NBEA: variants seen among roughly 807,000 people sequenced by gnomAD.
The protein encoded by NBEA is neurobeachin.
Under a neutral mutation model 343.4 loss-of-function variants are expected in NBEA, and 44 were observed. The observed-to-expected ratio is 0.13, with a 90% CI of 0.10 to 0.16. The LOEUF is 0.16. Among genes scored for constraint, NBEA ranks in the 10% least tolerant of loss-of-function variants. The probability of loss-of-function intolerance (pLI) is 1.00; values close to 1 mark genes in which losing one functional copy is unlikely to be tolerated. For synonymous variants in NBEA, 1,175 were observed against 1,238.7 expected, an observed-to-expected ratio of 0.95 and a Z score of 1.08; for missense variants, 2,555 against 3,631.3, an observed-to-expected ratio of 0.70 and a Z score of 7.62.
At chr13:35,300,777 G>T (rs140562394) in intron 35 of NBEA, among the ~76,000 whole-genome samples, 2 of 152,074 alleles carry the variant, frequency 1.3e-5, no homozygotes. Flanking sequence ...AAAATTCATC[G>T]GTAGCTTAGG....
At chr13:35,177,951 T>C (rs2071033071) in intron 28 of NBEA, among the ~76,000 whole-genome samples, 2 of 151,720 alleles carry the variant, frequency 1.3e-5, no homozygotes, top group African/African-American at 4.8e-5. Context: ...GTTAGGAATG[T>C]ACAATAGAAA....
At chr13:35,581,225 T>C (rs1240035444) in intron 45 of NBEA, among the ~76,000 whole-genome samples, 1 of 152,112 alleles carries the variant, frequency 6.6e-6, no homozygotes, top group Non-Finnish European at 1.5e-5. Flanking sequence ...TGAACTAGTT[T>C]ACAGTCCCAC....
intron 34 of NBEA, among the ~76,000 whole-genome samples, chr13:35,258,407 G>T (rs898449557): frequency 9.9e-5 from 15 of 151,646 alleles, no homozygotes; most frequent in African/African-American, 3.6e-4. Context: ...CTCATGATCC[G>T]CCTGCCTCAG....
At chr13:34,976,661 T>TG (rs918845886) in intron 1 of NBEA, among the ~76,000 whole-genome samples, 7 of 150,556 alleles carry the variant, frequency 4.6e-5, no homozygotes, top group African/African-American at 1.2e-4. Flanking sequence ...TTTGTTTTTT[T>TG]TTTTTTTTCA....
chr13:35,525,476 C>A (rs2077925059), intron 41 of NBEA, among the ~76,000 whole-genome samples: 1 of 152,010 alleles, frequency 6.6e-6, no homozygotes, highest in Admixed American at 6.6e-5. Flanking sequence ...TCACTTGAAC[C>A]CAGAAGGCAG....
chr13:34,973,964 C>T (rs1396931933), intron 1 of NBEA, among the ~76,000 whole-genome samples: 1 of 152,182 alleles, frequency 6.6e-6, no homozygotes, highest in Non-Finnish European at 1.5e-5. Flanking sequence ...GCTGAGACTC[C>T]ACACAGCTCT....
At chr13:35,594,304 T>A (rs539963722) in intron 47 of NBEA, among the ~76,000 whole-genome samples, 2 of 152,172 alleles carry the variant, frequency 1.3e-5, no homozygotes, top group Admixed American at 1.3e-4. Flanking sequence ...AGTTAGTGAG[T>A]TAAAATCAAA....
At chr13:34,994,283 A>G (rs2060866654) in intron 1 of NBEA, among the ~76,000 whole-genome samples, 1 of 151,760 alleles carries the variant, frequency 6.6e-6, no homozygotes, top group Non-Finnish European at 1.5e-5. Flanking sequence ...AAATAATTCA[A>G]TTCAAAGGGA....
chr13:34,954,459 G>T (rs959239627), intron 1 of NBEA, among the ~76,000 whole-genome samples: 3 of 152,174 alleles, frequency 2.0e-5, no homozygotes, highest in Non-Finnish European at 4.4e-5. Context: ...TAGTTTGCTT[G>T]TTTCAGTCAT....
intron 36 of NBEA, among the ~76,000 whole-genome samples, chr13:35,340,651 T>C (rs1026725033): frequency 5.3e-5 from 8 of 151,976 alleles, no homozygotes; most frequent in African/African-American, 1.4e-4. Context: ...AAACTTTTTT[T>C]AAAAAAGGAA....
chr13:35,488,644 C>G (rs1343111922), intron 41 of NBEA, among the ~76,000 whole-genome samples: 1 of 151,824 alleles, frequency 6.6e-6, no homozygotes. Context: ...TTGACAATAA[C>G]AAGAGTTTCT....
intron 28 of NBEA, among the ~76,000 whole-genome samples, chr13:35,178,874 G>GA (rs1457562747): frequency 1.3e-5 from 2 of 151,290 alleles, no homozygotes; most frequent in Admixed American, 6.6e-5. Context: ...TAGTCATCCT[G>GA]AAAAAATGTG....
At position 35,157,062 on chromosome 13, in the gene NBEA, A is replaced by T. The variant is rs751701294; in HGVS notation, c.2652-16A>T. 23 of 1,510,614 alleles carry T rather than the reference A, an allele frequency of 1.5e-5. No individual in the cohort carries two copies. Among genetic ancestry groups the T allele is most frequent in the Non-Finnish European group, 1.9e-5 (21 of 1,130,126 alleles). 93.6% of individuals were successfully genotyped at this position (1,510,614 alleles called of 1,614,324 possible). ...ATTTGGATATTTTTAATGAGATCAA[A>T]TTTTTTTCTCCCTAGATGCTTATTG... On this transcript the variant is annotated splice_polypyrimidine_tract_variant and intron_variant, in intron 20 of 58. Coordinates refer to ENST00000379939, the MANE Select transcript of NBEA (RefSeq NM_001385012.1).
chr13:35,333,866 G>T (rs1476606607), intron 36 of NBEA, among the ~76,000 whole-genome samples: 1 of 152,080 alleles, frequency 6.6e-6, no homozygotes, highest in Admixed American at 6.6e-5. Context: ...TGTTGCAAAT[G>T]ACAGGGTCTC....
intron 41 of NBEA, among the ~76,000 whole-genome samples, chr13:35,541,274 T>G (rs557455705): frequency 6.6e-6 from 1 of 151,490 alleles, no homozygotes; most frequent in South Asian, 2.1e-4. Context: ...TTTTCCCCAC[T>G]CCCCTGCCTT....
chr13:35,580,188 A>G (rs1474778790), intron 45 of NBEA, among the ~76,000 whole-genome samples: 2 of 152,122 alleles, frequency 1.3e-5, no homozygotes, highest in Non-Finnish European at 1.5e-5. Context: ...CACCTGTAAC[A>G]TAAAAGCTAA....
intron 36 of NBEA, among the ~76,000 whole-genome samples, chr13:35,310,278 A>G (rs74048991): frequency 4.0e-5 from 6 of 151,742 alleles, no homozygotes; most frequent in African/African-American, 1.5e-4. Flanking sequence ...TTCCTGAACA[A>G]AATTTCTGTT....
chr13:34,992,422 T>G (rs1268303387), intron 1 of NBEA, among the ~76,000 whole-genome samples: 1 of 151,160 alleles, frequency 6.6e-6, no homozygotes, highest in Non-Finnish European at 1.5e-5. Context: ...GCCTGGCTAC[T>G]TTTTTGTATT....
At chr13:35,130,088 T>A (rs2067333849) in intron 17 of NBEA, among the ~76,000 whole-genome samples, 1 of 152,122 alleles carries the variant, frequency 6.6e-6, no homozygotes. Flanking sequence ...ATTTAAAAAG[T>A]TAATAGGCAG....
Sources: allele counts gnomAD v4.1 joint callset (sites outside exome capture counted in the v4.1 genomes callset), GRCh38; gene constraint gnomAD v4.1.1; transcripts MANE v1.5; gene names NCBI Gene and HGNC (gene_info 2026-07-23, HGNC 2026-07-21).